Variants in TMUB2 observed in about 807,000 individuals in gnomAD.
TMUB2 encodes transmembrane and ubiquitin-like domain-containing protein 2.
Under a neutral mutation model 20.2 loss-of-function variants are expected in TMUB2, and 19 were observed. That is an observed-to-expected ratio of 0.94 (90% confidence interval 0.66 to 1.38). The LOEUF (loss-of-function observed/expected upper bound fraction) is 1.38, where lower values mean the gene tolerates loss of function less well. TMUB2 is among the 40% of genes most tolerant of loss of function. The pLI, the probability that TMUB2 is intolerant of heterozygous loss-of-function variation, is 0.00. For synonymous variants in TMUB2, 186 were observed against 166.0 expected (o/e 1.12, Z -0.92); for missense variants, 426 against 402.5 (o/e 1.06, Z -0.50).
chr17:44,190,970 T>C lies in TMUB2; in HGVS notation c.*106T>C. On this transcript the variant is annotated 3_prime_UTR_variant, in exon 4 of 4. Coordinates refer to ENST00000538716, the MANE Select transcript of TMUB2 (RefSeq NM_001076674.3). ...GCCGGGGAGGGAGGGGTGGAAAGGA[T>C]GTGATGGAAATCTCCTCCATAGGAC... is the stretch of plus-strand genomic sequence containing the variant. 1.3e-6 allele frequency: 2 copies of C among 1,507,000 alleles called. No homozygotes were observed. The highest frequency in any genetic ancestry group is 1.8e-6 in the Non-Finnish European group (2 of 1,136,660). The allele number at this position is 1,507,000 out of a possible 1,614,324, so 93.4% of individuals were successfully genotyped here.
intron 1 of TMUB2, 53 bp from the exon 2 acceptor site, chr17:44,187,623 G>C: frequency 1.4e-6 from 1 of 714,226 alleles, no homozygotes; most frequent in Non-Finnish European, 2.6e-6. Flanking sequence ...TCAGGGGTTA[G>C]TTGTGGTTGT....
At chr17:44,188,642 T>C (rs781321004) in intron 2 of TMUB2, among the ~76,000 whole-genome samples, 14 of 152,190 alleles carry the variant, frequency 9.2e-5, no homozygotes, top group Middle Eastern at 3.2e-3. Context: ...GCATATTTGC[T>C]TGACCAAGCG....
rs1334125181 is a variant in TMUB2 at position 44,189,243 on chromosome 17, A to G, written c.257A>G (p.His86Arg). 4 of 1,611,920 alleles carry G rather than the reference A, an allele frequency of 2.5e-6. No individual in the cohort carries two copies. The highest frequency in any genetic ancestry group is 2.7e-5 in the African/African-American group (2 of 75,014). The change falls in exon 3 of 4, where the codon CAC (histidine) becomes CGC (arginine). Residue 86 changes from histidine to arginine, a missense_variant. His to Arg is a conservative substitution (Grantham distance 29). Coordinates refer to ENST00000538716, the MANE Select transcript of TMUB2 (RefSeq NM_001076674.3). Reference sequence around the variant, plus strand: ...GTCCTCCACCTGGGGCATGTGGACCACCTGGTGGCAGGCCAAGGCAACCCC... The same window carrying G: ...GTCCTCCACCTGGGGCATGTGGACCGCCTGGTGGCAGGCCAAGGCAACCCC... ...TSVLHLGHVD[H>R]LVAGQGNPEP...
At chr17:44,187,261 C>CTCCTCG (rs1253641075) in intron 1 of TMUB2, 152 bp downstream of exon 1, 7 of 169,918 alleles carry the variant, frequency 4.1e-5, no homozygotes, top group African/African-American at 1.4e-4. Context: ...GCCGACCCTA[C>CTCCTCG]TCCTCACTGG....
At position 44,189,276 on chromosome 17, in the gene TMUB2, C is replaced by T. The variant is rs369440160; in HGVS notation, c.290C>T (p.Thr97Ile). The change falls in exon 3 of 4, where the codon ACT (threonine) becomes ATT (isoleucine). Residue 97 changes from threonine (T) to isoleucine (I), a missense_variant. Transcript: ENST00000538716. ...GCAGGCCAAGGCAACCCCGAGCCAA[C>T]TGAACTCCCCCATCCATCAGAGGGT... ...LVAGQGNPEPTELPHPSEGND... is the reference protein window; with the variant it reads ...LVAGQGNPEPIELPHPSEGND... 2.5e-6 allele frequency: 4 copies of T among 1,604,386 alleles called. No individual in the cohort carries two copies. In the East Asian group the frequency reaches 6.7e-5, roughly 27 times the overall value.
chr17:44,190,472 C>T, intron 3 of TMUB2, 29 bp from the exon 4 acceptor site: 8 of 1,553,592 alleles, frequency 5.1e-6, no homozygotes, highest in Non-Finnish European at 7.0e-6. Flanking sequence ...CACCCTCTAT[C>T]TTTTCTTCCA....
Position 44,190,546 on chromosome 17 carries a change from G to T in TMUB2, c.648G>T (p.Gln216His). ...GQESQMKLIY[Q>H]GRLLQDPART... Reference sequence around the variant, plus strand: ...AAAGCCAGATGAAACTGATCTACCAGGGCCGCCTGCTACAAGACCCAGCCC... The same window carrying T: ...AAAGCCAGATGAAACTGATCTACCATGGCCGCCTGCTACAAGACCCAGCCC... Residue 216 changes from glutamine (Q) to histidine (H), a missense_variant, in exon 4 of 4, where the codon CAG (glutamine) becomes CAT (histidine). Transcript: ENST00000538716. 1 of 1,613,312 alleles carries T rather than the reference G, an allele frequency of 6.2e-7. No individual in the cohort carries two copies.
rs2055511504 is a variant in TMUB2, at chr17:44,191,088, A to C, written c.*224A>C. On this transcript the variant is annotated 3_prime_UTR_variant, in exon 4 of 4. Transcript: ENST00000538716. ...CAACTCAGGTAGAAATGAGGATGTC[A>C]TCTTCCTTCACTTTTAGGGTCCTCT... The C allele has an allele frequency of 7.5e-7, 1 of 1,324,690 alleles. No homozygotes were observed. The highest frequency in any genetic ancestry group is 9.6e-7 in the Non-Finnish European group (1 of 1,036,856). The allele number at this position is 1,324,690 out of a possible 1,614,324, so 82.1% of individuals were successfully genotyped here.
In TMUB2 at chr17:44,190,510, C is replaced by G; in HGVS notation, c.612C>G (p.Phe204Leu). The G allele has an allele frequency of 6.2e-7, 1 of 1,602,130 alleles. No homozygotes were observed. The stretch of plus-strand genomic sequence containing the variant: ...TCTTTCATCCTTACAGCAAATACTT[C>G]CCTGGACAAGAAAGCCAGATGAAAC... ...DTVGALKSKY[F>L]PGQESQMKLI... Residue 204 changes from phenylalanine (F) to leucine (L), a missense_variant, in exon 4 of 4, where the codon TTC (phenylalanine) becomes TTG (leucine). Coordinates refer to ENST00000538716, the MANE Select transcript of TMUB2 (RefSeq NM_001076674.3).
rs2055595140 is a variant in TMUB2, at chr17:44,191,600, C to T, written c.*736C>T. The stretch of plus-strand genomic sequence containing the variant: ...GGCTGTAAGCAAGAGACAGCACTGG[C>T]CCTTGGCCAGCGTCCTACCCTGCCC... On this transcript the variant is annotated 3_prime_UTR_variant, in exon 4 of 4. Coordinates refer to ENST00000538716, the MANE Select transcript of TMUB2 (RefSeq NM_001076674.3). 3.0e-6 allele frequency: 3 copies of T among 985,926 alleles called. No individual in the cohort carries two copies. Among genetic ancestry groups the T allele is most frequent in the East Asian group, 1.1e-4 (1 of 8,812 alleles). 61.1% of individuals were successfully genotyped at this position (985,926 alleles called of 1,614,324 possible). A position where few individuals can be genotyped will look rare whatever the true frequency, so the allele number is the denominator to read the frequency against.
rs186965431 is a variant in TMUB2 at position 44,191,877 on chromosome 17, T to A, written c.*1013T>A. 81 of 316,702 alleles carry A rather than the reference T, an allele frequency of 2.6e-4. No individual in the cohort carries two copies. Among genetic ancestry groups the A allele is most frequent in the African/African-American group, 1.8e-3 (79 of 44,116 alleles). 19.6% of individuals were successfully genotyped at this position (316,702 alleles called of 1,614,324 possible). On this transcript the variant is annotated 3_prime_UTR_variant, in exon 4 of 4. Coordinates refer to ENST00000538716, the MANE Select transcript of TMUB2 (RefSeq NM_001076674.3). ...AGGGAATACACAGCGTTTACAAAGT[T>A]AGCTACCTGTACAGAATGGATTACA... is the stretch of plus-strand genomic sequence containing the variant.
chr17:44,189,469 T>C lies in TMUB2; in HGVS notation c.483T>C (p.Ser161=). 1 of 1,614,094 alleles carries C rather than the reference T, an allele frequency of 6.2e-7. No individual in the cohort carries two copies. Among genetic ancestry groups the C allele is most frequent in the Middle Eastern group, 1.7e-4 (1 of 6,060 alleles). Residue 161 remains serine, a synonymous_variant, in exon 3 of 4, where the codon TCT becomes TCC. Transcript: ENST00000538716. ...GSSSPEAPLR[S]EDSTCLPPSP... ...GCAGTCCAGAGGCCCCCCTGAGATC[T>C]GAGGATAGCACCTGCCTCCCTCCCA...
At position 44,189,315 on chromosome 17, in the gene TMUB2, C is replaced by G. The variant is rs1213731289; in HGVS notation, c.329C>G (p.Ala110Gly). ...PHPSEGNDEK[A>G]EEAGEGRGDS... ...CCATCAGAGGGTAATGATGAGAAGG[C>G]TGAAGAGGCGGGTGAAGGTCGGGGA... The change falls in exon 3 of 4, where the codon GCT becomes GGT. Residue 110 changes from alanine (A) to glycine (G), a missense_variant. By Grantham distance (60) the Ala-to-Gly change is moderately conservative (BLOSUM62 0). Transcript: ENST00000538716. 2.5e-6 allele frequency: 4 copies of G among 1,600,400 alleles called. No homozygotes were observed.
chr17:44,188,209 A>G (rs1433859705), intron 2 of TMUB2, among the ~76,000 whole-genome samples: 1 of 152,086 alleles, frequency 6.6e-6, no homozygotes, highest in Non-Finnish European at 1.5e-5. Context: ...GAAAGAAGAG[A>G]GACTGAGATA....
At position 44,189,550 on chromosome 17, in the gene TMUB2, T is replaced by A; in HGVS notation, c.564T>A (p.Ala188=). The A allele has an allele frequency of 6.2e-7, 1 of 1,611,564 alleles. No homozygotes were observed. Among genetic ancestry groups the A allele is most frequent in the Non-Finnish European group, 8.5e-7 (1 of 1,178,652 alleles). ...LKFLNDTEEL[A]VARPEDTVGA... The stretch of plus-strand genomic sequence containing the variant: ...TCCTCAATGATACCGAGGAGCTGGC[T>A]GTGGCTAGGCCAGAGGATACCGTGG... The change falls in exon 3 of 4, where the codon GCT becomes GCA. Residue 188 remains alanine (A), a synonymous_variant. Coordinates refer to ENST00000538716, the MANE Select transcript of TMUB2 (RefSeq NM_001076674.3).
Position 44,190,508 on chromosome 17 carries a change from T to G in TMUB2, c.610T>G (p.Phe204Val). The G allele has an allele frequency of 1.9e-6, 3 of 1,599,218 alleles. No homozygotes were observed. The highest frequency in any genetic ancestry group is 1.7e-6 in the Non-Finnish European group (2 of 1,170,832). The change falls in exon 4 of 4, where the codon TTC (phenylalanine) becomes GTC (valine). Residue 204 changes from phenylalanine (F) to valine (V), a missense_variant. Coordinates refer to ENST00000538716, the MANE Select transcript of TMUB2 (RefSeq NM_001076674.3). ...DTVGALKSKY[F>V]PGQESQMKLI... ...TGTCTTTCATCCTTACAGCAAATAC[T>G]TCCCTGGACAAGAAAGCCAGATGAA...
In TMUB2 at chr17:44,191,013, G is replaced by A. The variant is rs569127639; in HGVS notation, c.*149G>A. On this transcript the variant is annotated 3_prime_UTR_variant, in exon 4 of 4. Coordinates refer to ENST00000538716, the MANE Select transcript of TMUB2 (RefSeq NM_001076674.3). ...CATAGGACACAGGAGGCAAGTATGC[G>A]GCCTCCCCTTCTCATCCACAGGAGT... The A allele has an allele frequency of 9.4e-5, 138 of 1,467,058 alleles. No individual in the cohort carries two copies. The highest frequency in any genetic ancestry group is 8.6e-4 in the South Asian group (61 of 70,576). The allele number at this position is 1,467,058 out of a possible 1,614,324, so 90.9% of individuals were successfully genotyped here.
Position 44,189,265 on chromosome 17 carries a change from C to T in TMUB2, c.279C>T (p.Asn93=), listed in dbSNP as rs778197419. The change falls in exon 3 of 4, where the codon AAC becomes AAT. Residue 93 remains asparagine (N), a synonymous_variant. Transcript: ENST00000538716. ...HVDHLVAGQG[N]PEPTELPHPS... is the part of the protein sequence containing the mutation. Reference sequence around the variant, plus strand: ...ACCACCTGGTGGCAGGCCAAGGCAACCCCGAGCCAACTGAACTCCCCCATC... The same window carrying T: ...ACCACCTGGTGGCAGGCCAAGGCAATCCCGAGCCAACTGAACTCCCCCATC... 20 of 1,607,102 alleles carry T rather than the reference C, an allele frequency of 1.2e-5. No individual in the cohort carries two copies. The African/African-American group carries it at 1.6e-4, about 13-fold the overall frequency.
At position 44,189,137 on chromosome 17, in the gene TMUB2, C is replaced by T. The variant is rs775463933; in HGVS notation, c.151C>T (p.Leu51=). 31 of 1,613,956 alleles carry T rather than the reference C, an allele frequency of 1.9e-5. No individual in the cohort carries two copies. Among genetic ancestry groups the T allele is most frequent in the Non-Finnish European group, 5.1e-6 (6 of 1,180,008 alleles). Residue 51 remains leucine (L), a synonymous_variant, in exon 3 of 4, where the codon CTA becomes TTA. Transcript: ENST00000538716. ...GGTGGTGCTGATTCTAGCCTTGGTC[C>T]TAGCTTGGCTCTCTACCTACGTAGC... ...GVVVLILALV[L]AWLSTYVADS...
Sources: allele counts gnomAD v4.1 joint callset (sites outside exome capture counted in the v4.1 genomes callset), GRCh38; gene constraint gnomAD v4.1.1; transcripts MANE v1.5; gene names NCBI Gene and HGNC (gene_info 2026-07-23, HGNC 2026-07-21).